DOT1L: variants seen among roughly 807,000 people sequenced by gnomAD.
DOT1L encodes DOT1 like histone lysine methyltransferase.
DOT1L carries 33 observed loss-of-function variants against 153.3 expected under a neutral mutation model. That is an observed-to-expected ratio of 0.22 (90% CI 0.16 to 0.29). The LOEUF (loss-of-function observed/expected upper bound fraction) is 0.29. Ranked by LOEUF, DOT1L falls within the 10% of genes least tolerant of loss-of-function variation. DOT1L has a pLI of 1.00. For missense variants in DOT1L, 1,847 were observed against 2,119.9 expected, an observed-to-expected ratio of 0.87 and a Z score of 2.53; for synonymous variants, 1,135 against 965.1, an observed-to-expected ratio of 1.18 and a Z score of -3.26.
At chr19:2,169,221 G>A (rs1378377422) in intron 1 of DOT1L, among the ~76,000 whole-genome samples, 8 of 152,144 alleles carry the variant, frequency 5.3e-5, no homozygotes, top group Admixed American at 3.9e-4. Context: ...TGTCCCCACC[G>A]TGACTCAGAA....
chr19:2,207,082 G>A lies in DOT1L; in HGVS notation c.856+285G>A, dbSNP rs2023527865. 6.6e-6 allele frequency among the ~76,000 whole-genome samples: 1 copy of A among 152,208 alleles called. No individual in the cohort carries two copies. Among genetic ancestry groups the A allele is most frequent in the African/African-American group, 2.4e-5 (1 of 41,462 alleles). On this transcript the variant is annotated intron_variant, in intron 10 of 27. Coordinates refer to ENST00000398665, the MANE Select transcript of DOT1L (RefSeq NM_032482.3). This position sits in a 1 kb window ranked among gnomAD's most constrained non-coding sequence, Gnocchi z 4.5. ...GGAGACCCCGGCTTCGAGGGGAGGC[G>A]TGAAGGATTTACAGGACTTTTGTGG...
chr19:2,169,287 C>T (rs1270215890), intron 1 of DOT1L, among the ~76,000 whole-genome samples: 1 of 152,104 alleles, frequency 6.6e-6, no homozygotes, highest in Non-Finnish European at 1.5e-5. Flanking sequence ...CCCAGCTCCC[C>T]CGGAGGCAGA....
At position 2,171,763 on chromosome 19, in the gene DOT1L, TC is replaced by T. The variant is rs548943482; in HGVS notation, c.81+7503del. ...CTGCGTGCAGTCCCCGCCCACTGTG[TC>T]CCCCTGAGGGAAGGACCTGAGGTGA... On this transcript the variant is annotated intron_variant, in intron 1 of 27. Transcript: ENST00000398665. Among the ~76,000 whole-genome samples, 7 of 152,272 alleles carry T rather than the reference TC, an allele frequency of 4.6e-5. No homozygotes were observed. The East Asian group carries it at 9.7e-4, about 21-fold the overall frequency.
In DOT1L at chr19:2,171,677, T is replaced by C. The variant is rs573796841; in HGVS notation, c.81+7412T>C. Among the ~76,000 whole-genome samples the C allele has an allele frequency of 2.6e-5, 4 of 152,322 alleles. No homozygotes were observed. In the South Asian group the frequency reaches 8.3e-4, roughly 32 times the overall value. On this transcript the variant is annotated intron_variant, in intron 1 of 27. Transcript: ENST00000398665. ...TCTCCTGGGGGTAGCCCTGCTTTTA[T>C]TTCCTGAGTGCTTCCTGGGACCATG...
chr19:2,165,590 C>T (rs927713948), intron 1 of DOT1L, among the ~76,000 whole-genome samples: 1 of 152,228 alleles, frequency 6.6e-6, no homozygotes, highest in African/African-American at 2.4e-5. Flanking sequence ...GCGCCCCGAC[C>T]GGTTTCCTCC....
chr19:2,193,902 G>C lies in DOT1L; in HGVS notation c.588+119G>C. 9.5e-7 allele frequency: 1 copy of C among 1,052,818 alleles called. No homozygotes were observed. The allele number at this position is 1,052,818 out of a possible 1,614,324, so 65.2% of individuals were successfully genotyped here. A position where few individuals can be genotyped will look rare whatever the true frequency, so the allele number is the denominator to read the frequency against. On this transcript the variant is annotated intron_variant, in intron 6 of 27. Transcript: ENST00000398665. This position sits in a 1 kb window ranked among gnomAD's most constrained non-coding sequence, Gnocchi z 5.9. ...CCGAGTCTGGGTGGCGTTCTTTCCA[G>C]GCCCAAGACGTCTTGGTTGCCTGCA...
intron 7 of DOT1L, among the ~76,000 whole-genome samples, chr19:2,196,386 G>T (rs1040900250): frequency 5.3e-5 from 8 of 152,210 alleles, no homozygotes; most frequent in Non-Finnish European, 1.0e-4. Flanking sequence ...AGGCTGGAGG[G>T]CAGTGGCGCA....
At chr19:2,181,675 T>G (rs777820446) in intron 2 of DOT1L, among the ~76,000 whole-genome samples, 70 of 152,308 alleles carry the variant, frequency 4.6e-4, no homozygotes, top group Non-Finnish European at 7.1e-4. Context: ...TAGGGGCCCC[T>G]CTGTTCTTTG....
Position 2,211,231 on chromosome 19 carries a change from TC to T in DOT1L, c.1465+21del, listed in dbSNP as rs2023703361. 2.5e-6 allele frequency: 4 copies of T among 1,584,426 alleles called. No individual in the cohort carries two copies. Among genetic ancestry groups the T allele is most frequent in the Non-Finnish European group, 1.7e-6 (2 of 1,163,580 alleles). ...CTTCTAGGTGAGCCCGTGTGAGGCG[TC>T]CGGCGAAGGGTTCTGGGCTTGGGGT... On this transcript the variant is annotated intron_variant, in intron 15 of 27. Coordinates refer to ENST00000398665, the MANE Select transcript of DOT1L (RefSeq NM_032482.3).
chr19:2,231,276 A>AT lies in DOT1L; in HGVS notation c.*1484_*1485insT, dbSNP rs2024585121. The AT allele has an allele frequency of 4.5e-6, 1 of 224,220 alleles. No individual in the cohort carries two copies. The highest frequency in any genetic ancestry group is 5.7e-5 in the Admixed American group (1 of 17,420). The allele number at this position is 224,220 out of a possible 1,614,324, so 13.9% of individuals were successfully genotyped here. On this transcript the variant is annotated 3_prime_UTR_variant, in exon 28 of 28. Coordinates refer to ENST00000398665, the MANE Select transcript of DOT1L (RefSeq NM_032482.3). ...TTGCTCCTGTGAGATGGCATCGGGG[A>AT]GCCCCTTCCCCAAGGTGCCACAGAT...
intron 27 of DOT1L, chr19:2,229,397 T>TGGGAGCC: frequency 3.0e-6 from 3 of 985,444 alleles, no homozygotes; most frequent in Non-Finnish European, 3.6e-6. Context: ...AGAGGAGGAC[T>TGGGAGCC]GGGAGCCAGG....
intron 9 of DOT1L, among the ~76,000 whole-genome samples, chr19:2,205,692 TTTTTG>T (rs2023465196): frequency 6.6e-6 from 1 of 152,086 alleles, no homozygotes; most frequent in Admixed American, 6.6e-5. Flanking sequence ...AAACCTTAGT[TTTTTG>T]TTTTGTTTTT....
rs200547302 is a variant in DOT1L at position 2,210,660 on chromosome 19, G to A, written c.1156G>A (p.Val386Met). ...AEEEKAGAAT[V>M]KKPSPSKARK... ...GGAAGAGAAGGCGGGAGCAGCCACC[G>A]TGAAGAAGCCGTCTCCCTCCAAAGC... The change falls in exon 14 of 28, where the codon GTG becomes ATG. Residue 386 changes from valine (V) to methionine (M), a missense_variant. By Grantham distance (21) the Val-to-Met change is conservative. Transcript: ENST00000398665. The A allele has an allele frequency of 2.7e-5, 43 of 1,612,950 alleles. No homozygotes were observed. Among genetic ancestry groups the A allele is most frequent in the Middle Eastern group, 3.3e-4 (2 of 6,062 alleles).
chr19:2,227,045 G>T lies in DOT1L; in HGVS notation c.4524G>T (p.Val1508=). The T allele has an allele frequency of 6.3e-7, 1 of 1,578,364 alleles. No individual in the cohort carries two copies. Among genetic ancestry groups the T allele is most frequent in the Non-Finnish European group, 8.6e-7 (1 of 1,168,128 alleles). Residue 1508 remains valine, a synonymous_variant, in exon 27 of 28, where the codon GTG becomes GTT. Coordinates refer to ENST00000398665, the MANE Select transcript of DOT1L (RefSeq NM_032482.3). ...CTGTGCCGGCCGCCGCAGGCCTGGT[G>T]CACGTGTCGTCCGCTGCCACCAGAC... ...FSSVPAAAGL[V]HVSSAATRLT... is the part of the protein sequence containing the mutation.
At chr19:2,211,645 C>T (rs2023719262) in intron 15 of DOT1L, 106 bp from the exon 16 acceptor site, 2 of 973,202 alleles carry the variant, frequency 2.1e-6, no homozygotes, top group Admixed American at 2.3e-5. Context: ...CTCATGAGTG[C>T]CTGACACCTG....
intron 23 of DOT1L, chr19:2,221,722 G>C (rs1467536398): frequency 4.1e-6 from 2 of 488,216 alleles, no homozygotes. Context: ...GGGAGGCAGC[G>C]TCTCAGCCGG....
chr19:2,228,498 G>A (rs1248668363), intron 27 of DOT1L: 1 of 1,188,108 alleles, frequency 8.4e-7, no homozygotes, highest in Non-Finnish European at 1.1e-6. Flanking sequence ...GAGGGAAGAG[G>A]GAGAGAGCCA....
Position 2,164,178 on chromosome 19 carries a change from C to G in DOT1L, c.-7C>G. On this transcript the variant is annotated 5_prime_UTR_variant, in exon 1 of 28. Transcript: ENST00000398665. ...CCTAGCATGGTGCGGCGGCCGCGCG[C>G]GCGGACATGGGGGAGAAGCTGGAGC... 3.3e-6 allele frequency: 4 copies of G among 1,227,940 alleles called. No homozygotes were observed. Among genetic ancestry groups the G allele is most frequent in the Non-Finnish European group, 4.1e-6 (4 of 983,698 alleles). The allele number at this position is 1,227,940 out of a possible 1,614,324, so 76.1% of individuals were successfully genotyped here.
At chr19:2,202,272 G>A (rs577193144) in intron 8 of DOT1L, among the ~76,000 whole-genome samples, 17 of 152,306 alleles carry the variant, frequency 1.1e-4, no homozygotes, top group Non-Finnish European at 2.1e-4. Context: ...CGTTGTCTGC[G>A]GTCTCTGCAG....
Sources: gnomAD v4.1 joint callset for allele counts (sites outside exome capture counted in the v4.1 genomes callset) on GRCh38, gnomAD v4.1.1 for gene constraint, Gnocchi (gnomAD v3.1) non-coding constraint, MANE v1.5 for transcripts, NCBI Gene and HGNC (gene_info 2026-07-23, HGNC 2026-07-21) for gene names.